SIK3: variants seen among roughly 807,000 people sequenced by gnomAD.
SIK3 encodes SIK family kinase 3, also known as serine/threonine-protein kinase SIK3.
Under a neutral mutation model 144.2 loss-of-function variants are expected in SIK3, and 28 were observed. The ratio of observed to expected loss-of-function variants is 0.19; its 90% CI spans 0.14 to 0.27. SIK3 has a LOEUF of 0.27. Ranked by LOEUF, SIK3 falls within the 10% of genes least tolerant of loss-of-function variation. The pLI is 1.00. For missense variants in SIK3, 1,319 were observed against 1,776.0 expected (o/e 0.74, Z 4.62); for synonymous variants, 686 against 676.3 (o/e 1.01, Z -0.22).
At chr11:116,994,953 T>TTTTTTTTC (rs1198331575) in intron 1 of SIK3, among the ~76,000 whole-genome samples, 1 of 151,862 alleles carries the variant, frequency 6.6e-6, no homozygotes, top group Non-Finnish European at 1.5e-5. Context: ...TTTCACTCCT[T>TTTTTTTTC]TTTTTTTCTT....
chr11:117,093,886 AAGGGG>A (rs1955356580), intron 1 of SIK3, among the ~76,000 whole-genome samples: 2 of 152,126 alleles, frequency 1.3e-5, no homozygotes, highest in African/African-American at 4.8e-5. Context: ...AATCGTGCCC[AAGGGG>A]TGAGAAGCAA....
intron 6 of SIK3, among the ~76,000 whole-genome samples, chr11:116,886,453 G>C (rs1161744781): frequency 6.6e-6 from 1 of 152,212 alleles, no homozygotes; most frequent in Non-Finnish European, 1.5e-5. Context: ...TTGCCTCTAA[G>C]TAGAAGCTTT....
intron 1 of SIK3, among the ~76,000 whole-genome samples, chr11:117,016,404 G>A (rs531448422): frequency 7.1e-6 from 1 of 140,792 alleles, no homozygotes; most frequent in African/African-American, 2.8e-5. Context: ...GGGAAGGAAG[G>A]AAGGAAGGAA....
intron 16 of SIK3, among the ~76,000 whole-genome samples, chr11:116,862,831 T>C (rs1446349087): frequency 6.6e-6 from 1 of 152,148 alleles, no homozygotes; most frequent in Non-Finnish European, 1.5e-5. Context: ...CCTAGCACTT[T>C]GGGAGGCCGA....
chr11:116,950,014 G>A (rs73592278), intron 3 of SIK3: 18 of 438,302 alleles, frequency 4.1e-5, no homozygotes, highest in East Asian at 1.5e-4. Flanking sequence ...GATGGAGAGC[G>A]GGGGAGGACA....
In SIK3 at chr11:116,991,412, G is replaced by A. The variant is rs561393957; in HGVS notation, c.274-34348C>T. On this transcript the variant is annotated intron_variant, in intron 1 of 24. Coordinates refer to ENST00000445177, the MANE Select transcript of SIK3 (RefSeq NM_001366686.3). ...CAGTGAGTCGAGATCATGCCACTGCGCTCCAGTATGGGCAATAGAGCAAGG... is the reference window on the plus strand; with the variant it reads ...CAGTGAGTCGAGATCATGCCACTGCACTCCAGTATGGGCAATAGAGCAAGG... Among the ~76,000 whole-genome samples the A allele has an allele frequency of 3.3e-5, 5 of 152,212 alleles. 1 individual carries two copies. The South Asian group carries it at 8.3e-4, about 25-fold the overall frequency.
chr11:116,908,244 G>A (rs781510470), intron 4 of SIK3, among the ~76,000 whole-genome samples: 18 of 152,226 alleles, frequency 1.2e-4, no homozygotes, highest in Non-Finnish European at 2.1e-4. Flanking sequence ...GGGAGGCCAA[G>A]ACAGGAGGAT....
chr11:116,844,635 T>TATATAA lies in SIK3; in HGVS notation c.*1007_*1008insTTATAT, dbSNP rs1163171454. 45 of 9,726 alleles carry TATATAA rather than the reference T, an allele frequency of 4.6e-3. No individual in the cohort carries two copies. The highest frequency in any genetic ancestry group is 0.013 in the African/African-American group (13 of 1,028). 0.6% of individuals were successfully genotyped at this position (9,726 alleles called of 1,614,324 possible). A position where few individuals can be genotyped will look rare whatever the true frequency, so the allele number is the denominator to read the frequency against. ...ATATATATAATATATATATAATATA[T>TATATAA]TATATTATATATTATATATATAATA... On this transcript the variant is annotated 3_prime_UTR_variant, in exon 25 of 25. Transcript: ENST00000445177.
chr11:117,013,787 T>A (rs1951374131), intron 1 of SIK3, among the ~76,000 whole-genome samples: 1 of 147,990 alleles, frequency 6.8e-6, no homozygotes, highest in East Asian at 2.0e-4. Flanking sequence ...GCCAATCCCT[T>A]ATTTTACTGA....
intron 3 of SIK3, among the ~76,000 whole-genome samples, chr11:116,933,649 TC>T (rs1947747686): frequency 6.6e-6 from 1 of 152,136 alleles, no homozygotes; most frequent in Non-Finnish European, 1.5e-5. Context: ...TCTCTCTCTC[TC>T]TCTCTCAAGA....
intron 1 of SIK3, among the ~76,000 whole-genome samples, chr11:116,989,437 G>A (rs1369517586): frequency 1.3e-5 from 2 of 152,126 alleles, no homozygotes; most frequent in African/African-American, 4.8e-5. Context: ...TAAGCAAAAT[G>A]TTGCTGGCTC....
At chr11:116,882,335 G>T (rs982780656) in intron 6 of SIK3, among the ~76,000 whole-genome samples, 1 of 152,188 alleles carries the variant, frequency 6.6e-6, no homozygotes, top group Admixed American at 6.5e-5. Context: ...TTGTTGCAAG[G>T]TGATGAAGAC....
intron 1 of SIK3, among the ~76,000 whole-genome samples, chr11:116,982,977 C>A (rs1950202162): frequency 7.2e-6 from 1 of 139,514 alleles, no homozygotes; most frequent in African/African-American, 2.6e-5. Context: ...AAATTTCTGA[C>A]CCGAGGGGAT....
At chr11:116,854,421 A>T (rs1298921138) in intron 21 of SIK3, among the ~76,000 whole-genome samples, 2 of 152,244 alleles carry the variant, frequency 1.3e-5, no homozygotes, top group African/African-American at 4.8e-5. Flanking sequence ...AATGCTAAGA[A>T]GATCACACTA....
intron 1 of SIK3, among the ~76,000 whole-genome samples, chr11:117,082,010 C>T (rs147881840): frequency 1.4e-3 from 206 of 152,272 alleles, no homozygotes; most frequent in African/African-American, 4.7e-3. Flanking sequence ...AGGAAATATA[C>T]AAATGATCAA....
chr11:116,918,737 T>C (rs182890387), intron 4 of SIK3, among the ~76,000 whole-genome samples: 26 of 152,306 alleles, frequency 1.7e-4, no homozygotes, highest in East Asian at 1.2e-3. Flanking sequence ...TGCACCTTCC[T>C]GGAACATCAA....
intron 1 of SIK3, among the ~76,000 whole-genome samples, chr11:117,051,682 C>A (rs1440942855): frequency 6.6e-6 from 1 of 151,890 alleles, no homozygotes; most frequent in Non-Finnish European, 1.5e-5. Context: ...GTGCACACCA[C>A]CATGCCCGGC....
At chr11:116,990,734 C>T (rs893098747) in intron 1 of SIK3, among the ~76,000 whole-genome samples, 1 of 152,088 alleles carries the variant, frequency 6.6e-6, no homozygotes, top group Non-Finnish European at 1.5e-5. Flanking sequence ...TACAACTAAA[C>T]TGATTATATT....
intron 1 of SIK3, among the ~76,000 whole-genome samples, chr11:117,012,667 T>A (rs2135688877): frequency 6.6e-6 from 1 of 152,260 alleles, no homozygotes; most frequent in African/African-American, 2.4e-5. Context: ...CTCACCCTGG[T>A]AGCCTTCCTT....
Sources: allele counts gnomAD v4.1 joint callset (sites outside exome capture counted in the v4.1 genomes callset), GRCh38; gene constraint gnomAD v4.1.1; transcripts MANE v1.5; gene names NCBI Gene and HGNC (gene_info 2026-07-23, HGNC 2026-07-21).